SORCS3: variants seen among roughly 807,000 people sequenced by gnomAD.
The protein encoded by SORCS3 is sortilin related VPS10 domain containing receptor 3, also known as VPS10 domain-containing receptor SorCS3.
A neutral mutation model predicts 146.3 loss-of-function variants in SORCS3; 57 were observed. The ratio of observed to expected loss-of-function variants is 0.39; its 90% confidence interval spans 0.31 to 0.49. SORCS3 has a LOEUF of 0.49. Ranked by LOEUF, SORCS3 falls within the 20% of genes least tolerant of loss-of-function variation. SORCS3 has a pLI of 0.92. For missense variants in SORCS3, 1,341 were observed against 1,575.5 expected (o/e 0.85, Z 2.52); for synonymous variants, 653 against 618.5 (o/e 1.06, Z -0.83).
chr10:105,116,661 TA>T (rs199662070), intron 7 of SORCS3, among the ~76,000 whole-genome samples: 314 of 150,774 alleles, frequency 2.1e-3, no homozygotes, highest in African/African-American at 7.3e-3. Flanking sequence ...TAGACTAGAT[TA>T]AAAAAAAATG....
chr10:105,084,547 A>G (rs2055645915), intron 5 of SORCS3, among the ~76,000 whole-genome samples: 1 of 152,132 alleles, frequency 6.6e-6, no homozygotes, highest in Admixed American at 6.5e-5. Context: ...CACCCAATGA[A>G]TGTCAGATAG....
At chr10:104,825,003 G>A (rs975248558) in intron 1 of SORCS3, among the ~76,000 whole-genome samples, 1 of 152,244 alleles carries the variant, frequency 6.6e-6, no homozygotes, top group African/African-American at 2.4e-5. Flanking sequence ...CGCGGAGGCT[G>A]TCAGTGCGTG....
chr10:105,061,788 C>T (rs192328416), intron 5 of SORCS3, among the ~76,000 whole-genome samples: 55 of 152,222 alleles, frequency 3.6e-4, no homozygotes, highest in Non-Finnish European at 6.9e-4. Flanking sequence ...GATCCTATAG[C>T]ACTTGTGTAG....
chr10:105,114,119 A>T (rs1218467400), intron 7 of SORCS3, among the ~76,000 whole-genome samples: 3 of 152,178 alleles, frequency 2.0e-5, no homozygotes, highest in African/African-American at 7.2e-5. Context: ...TGATGAAGAA[A>T]CAAGAACAGT....
chr10:105,213,761 T>G (rs745678954), intron 17 of SORCS3, among the ~76,000 whole-genome samples: 1 of 152,288 alleles, frequency 6.6e-6, no homozygotes, highest in East Asian at 1.9e-4. Context: ...ACCTCCTCTA[T>G]AAGATAATTT....
At chr10:105,218,231 T>A (rs2119658428) in intron 19 of SORCS3, among the ~76,000 whole-genome samples, 1 of 152,344 alleles carries the variant, frequency 6.6e-6, no homozygotes, top group Middle Eastern at 3.4e-3. Flanking sequence ...AATGCCAGGC[T>A]ACATGGCCAT....
At chr10:105,188,690 G>T (rs1482837286) in intron 14 of SORCS3, among the ~76,000 whole-genome samples, 1 of 152,206 alleles carries the variant, frequency 6.6e-6, no homozygotes, top group East Asian at 1.9e-4. Context: ...GTAAGTTATT[G>T]TGTATTTTAA....
At position 105,211,164 on chromosome 10, in the gene SORCS3, G is replaced by A. The variant is rs781179956; in HGVS notation, c.2289G>A (p.Glu763=). The A allele has an allele frequency of 6.2e-7, 1 of 1,614,034 alleles. No individual in the cohort carries two copies. The highest frequency in any genetic ancestry group is 1.1e-5 in the South Asian group (1 of 91,080). ...ECDYGYERHG[E]SQCVPAFWYN... ...ACTATGGGTATGAGAGACATGGGGA[G>A]AGCCAGTGTGTCCCAGCTTTCTGGT... The change falls in exon 17 of 27, where the codon GAG becomes GAA. Residue 763 remains glutamate, a synonymous_variant. Coordinates refer to ENST00000369701, the MANE Select transcript of SORCS3 (RefSeq NM_014978.3).
chr10:104,797,854 T>A (rs1174629597), intron 1 of SORCS3, among the ~76,000 whole-genome samples: 1 of 152,104 alleles, frequency 6.6e-6, no homozygotes, highest in Non-Finnish European at 1.5e-5. Flanking sequence ...AAAAAAAGTA[T>A]CTTGGGTGCT....
intron 1 of SORCS3, among the ~76,000 whole-genome samples, chr10:104,669,865 A>G (rs1480416720): frequency 6.7e-6 from 1 of 150,208 alleles, no homozygotes; most frequent in Admixed American, 6.6e-5. Context: ...AAGTCTTCCA[A>G]TTTCTCCACG....
chr10:105,001,609 A>G (rs1425249062), intron 4 of SORCS3, among the ~76,000 whole-genome samples: 1 of 152,216 alleles, frequency 6.6e-6, no homozygotes, highest in African/African-American at 2.4e-5. Flanking sequence ...GTTCAGCTTC[A>G]TGCTTACCCT....
chr10:105,158,902 C>G lies in SORCS3; in HGVS notation c.1640C>G (p.Ser547Cys), dbSNP rs1247433177. 1 of 1,611,972 alleles carries G rather than the reference C, an allele frequency of 6.2e-7. No individual in the cohort carries two copies. Among genetic ancestry groups the G allele is most frequent in the Admixed American group, 1.7e-5 (1 of 59,972 alleles). ...CTTTCTCCATTTTAGCCCTTCTGTT[C>G]CTTACATCTGCACCTGCAACTCTCT... ...SPVHCLLPFC[S>C]LHLHLQLSEN... The change falls in exon 11 of 27, where the codon TCC (serine) becomes TGC (cysteine). Residue 547 changes from serine (S) to cysteine (C), a missense_variant. By Grantham distance (112) the Ser-to-Cys change is moderately radical (BLOSUM62 -1). Transcript: ENST00000369701.
At chr10:104,772,117 C>T (rs181190696) in intron 1 of SORCS3, among the ~76,000 whole-genome samples, 5 of 152,226 alleles carry the variant, frequency 3.3e-5, no homozygotes, top group African/African-American at 7.2e-5. Context: ...GCAACCTGGA[C>T]GGGAACACTC....
At chr10:104,951,855 G>A (rs895199206) in intron 3 of SORCS3, among the ~76,000 whole-genome samples, 1 of 152,106 alleles carries the variant, frequency 6.6e-6, no homozygotes, top group African/African-American at 2.4e-5. Context: ...CATAGGAAGG[G>A]AGTTCAATAG....
chr10:104,994,533 A>G (rs934013824), intron 4 of SORCS3, among the ~76,000 whole-genome samples: 2 of 152,164 alleles, frequency 1.3e-5, no homozygotes, highest in African/African-American at 2.4e-5. Context: ...AGTCATCACT[A>G]CAGTCAAGAA....
At chr10:104,966,517 C>T (rs2054827175) in intron 3 of SORCS3, among the ~76,000 whole-genome samples, 1 of 152,112 alleles carries the variant, frequency 6.6e-6, no homozygotes, top group Admixed American at 6.5e-5. Context: ...AGAGAAAAGT[C>T]TGTTTGCTCC....
At chr10:104,765,855 C>G (rs1273089533) in intron 1 of SORCS3, among the ~76,000 whole-genome samples, 1 of 152,162 alleles carries the variant, frequency 6.6e-6, no homozygotes, top group African/African-American at 2.4e-5. Flanking sequence ...CCCAAGGTCA[C>G]TCAGCTAATA....
At chr10:105,233,346 G>T (rs1157804788) in intron 20 of SORCS3, among the ~76,000 whole-genome samples, 1 of 151,378 alleles carries the variant, frequency 6.6e-6, no homozygotes, top group Non-Finnish European at 1.5e-5. Flanking sequence ...CAAATACCTT[G>T]TTGGTATGTT....
chr10:104,939,471 T>C (rs991682656), intron 3 of SORCS3, among the ~76,000 whole-genome samples: 1 of 152,176 alleles, frequency 6.6e-6, no homozygotes, highest in African/African-American at 2.4e-5. Context: ...GCAGGTGTAC[T>C]CTCTGCACTC....
Sources: gnomAD v4.1 joint callset for allele counts (sites outside exome capture counted in the v4.1 genomes callset) on GRCh38, gnomAD v4.1.1 for gene constraint, MANE v1.5 for transcripts, NCBI Gene and HGNC (gene_info 2026-07-23, HGNC 2026-07-21) for gene names.